The following USP32 variants were observed in gnomAD, a reference collection of about 807,000 sequenced individuals.
USP32 encodes the protein ubiquitin carboxyl-terminal hydrolase 32.
A neutral mutation model predicts 204.8 loss-of-function variants in USP32; 59 were observed. The observed-to-expected ratio is 0.29, with a 90% confidence interval of 0.23 to 0.36. The LOEUF is 0.36. Among genes scored for constraint, USP32 ranks in the 10% least tolerant of loss-of-function variants. The pLI, the probability that USP32 is intolerant of heterozygous loss-of-function variation, is 1.00. For missense variants in USP32, 1,160 were observed against 1,946.4 expected, an observed-to-expected ratio of 0.60 and a Z score of 7.60; for synonymous variants, 517 against 678.4, an observed-to-expected ratio of 0.76 and a Z score of 3.70.
intron 3 of USP32, among the ~76,000 whole-genome samples, chr17:60,296,883 C>A (rs1225369766): frequency 6.6e-6 from 1 of 152,044 alleles, no homozygotes; most frequent in East Asian, 1.9e-4. Flanking sequence ...GCCAAGGGGA[C>A]CCCAGAAAAT....
chr17:60,362,641 A>G (rs2089233062), intron 1 of USP32, among the ~76,000 whole-genome samples: 1 of 152,208 alleles, frequency 6.6e-6, no homozygotes, highest in African/African-American at 2.4e-5. Flanking sequence ...CGTTTCCATA[A>G]TATAACAAAA....
chr17:60,301,510 C>T (rs2087574301), intron 3 of USP32, 89 bp downstream of exon 3: 1 of 751,864 alleles, frequency 1.3e-6, no homozygotes. Flanking sequence ...GGGAAAATGT[C>T]AATTCAAATC....
chr17:60,222,548 GC>G lies in USP32; in HGVS notation c.1609del (p.Ala537LeufsTer4). 1.2e-6 allele frequency: 2 copies of G among 1,613,110 alleles called. No homozygotes were observed. Among genetic ancestry groups the G allele is most frequent in the Non-Finnish European group, 1.7e-6 (2 of 1,179,516 alleles). On this transcript the variant is annotated frameshift_variant and splice_region_variant, in exon 15 of 34. Transcript: ENST00000300896. LOFTEE classifies it high-confidence loss of function. ...TCCTCCTTCTAGTGTTAATGATGTA[GC>G]CTGAGAAAGAATAGAATGACAATGT... ...QPLVTQEPVK[A>X]TSLTLEGGRL...
Position 60,310,805 on chromosome 17 carries a change from G to A in USP32, c.187-9101C>T, listed in dbSNP as rs187826983. Among the ~76,000 whole-genome samples, 472 of 152,328 alleles carry A rather than the reference G, an allele frequency of 3.1e-3. 5 individuals carry two copies. Among genetic ancestry groups the A allele is most frequent in the Non-Finnish European group, 2.7e-3 (184 of 68,024 alleles). On this transcript the variant is annotated intron_variant, in intron 2 of 33. Coordinates refer to ENST00000300896, the MANE Select transcript of USP32 (RefSeq NM_032582.4). ...AATCCTAGCACTTTGGGAGGCCAAG[G>A]CAAGAGGATCACTTGAGCTCAAGAG...
intron 1 of USP32, among the ~76,000 whole-genome samples, chr17:60,356,611 A>G (rs2089084962): frequency 6.6e-6 from 1 of 152,266 alleles, no homozygotes; most frequent in South Asian, 2.1e-4. Context: ...TACACACTTT[A>G]TAAAATCAGA....
chr17:60,290,251 C>G (rs1301657841), intron 4 of USP32, among the ~76,000 whole-genome samples: 1 of 152,228 alleles, frequency 6.6e-6, no homozygotes, highest in African/African-American at 2.4e-5. Flanking sequence ...AACTTTCTCT[C>G]AGGACCATAT....
chr17:60,222,640 A>G, intron 14 of USP32, 91 bp from the exon 15 acceptor site: 10 of 1,184,428 alleles, frequency 8.4e-6, no homozygotes, highest in Non-Finnish European at 1.2e-5. Flanking sequence ...ACAAACTCAT[A>G]TATCACCACC....
At chr17:60,252,648 G>C (rs943705339) in intron 10 of USP32, among the ~76,000 whole-genome samples, 5 of 152,072 alleles carry the variant, frequency 3.3e-5, no homozygotes, top group African/African-American at 1.2e-4. Context: ...TCCAATGGAA[G>C]CTAACTTTCA....
chr17:60,254,973 C>T (rs557087834), intron 10 of USP32, among the ~76,000 whole-genome samples: 1 of 151,946 alleles, frequency 6.6e-6, no homozygotes, highest in East Asian at 1.9e-4. Flanking sequence ...AATCTACATC[C>T]CACTTTCCTA....
At chr17:60,413,135 T>C (rs189118647) in intron 1 of USP32, among the ~76,000 whole-genome samples, 1 of 152,240 alleles carries the variant, frequency 6.6e-6, no homozygotes, top group East Asian at 1.9e-4. Flanking sequence ...GTACAAAACA[T>C]TTTTGAAAAC....
intron 1 of USP32, among the ~76,000 whole-genome samples, chr17:60,399,295 G>A (rs1172154813): frequency 3.3e-5 from 5 of 152,126 alleles, no homozygotes; most frequent in Non-Finnish European, 5.9e-5. Context: ...TAGTACATCA[G>A]TTGTTCTACA....
At chr17:60,200,027 C>T (rs2084634201) in intron 26 of USP32, among the ~76,000 whole-genome samples, 1 of 151,942 alleles carries the variant, frequency 6.6e-6, no homozygotes, top group Non-Finnish European at 1.5e-5. Context: ...AACCCTGTCT[C>T]TACTAAAAAC....
intron 1 of USP32, among the ~76,000 whole-genome samples, chr17:60,399,959 A>C (rs2089924079): frequency 1.3e-5 from 2 of 152,072 alleles, no homozygotes; most frequent in Non-Finnish European, 2.9e-5. Context: ...GGAATGGAGA[A>C]GAGATCTGTC....
In USP32 at chr17:60,390,089, C is replaced by A. The variant is rs79800762; in HGVS notation, c.58+1793G>T. Reference sequence around the variant, plus strand: ...AAAGATTTTGCTATCTCTTCAAATACATGTGTTTTAAAATTCAACAGGCAG... The same window carrying A: ...AAAGATTTTGCTATCTCTTCAAATAAATGTGTTTTAAAATTCAACAGGCAG... On this transcript the variant is annotated intron_variant, in intron 1 of 33. Transcript: ENST00000300896. 1.1e-3 allele frequency among the ~76,000 whole-genome samples: 168 copies of A among 152,176 alleles called. 1 individual carries two copies. Among genetic ancestry groups the A allele is most frequent in the African/African-American group, 3.1e-3 (128 of 41,540 alleles).
chr17:60,363,579 A>G (rs951190219), intron 1 of USP32, among the ~76,000 whole-genome samples: 1 of 151,014 alleles, frequency 6.6e-6, no homozygotes, highest in Non-Finnish European at 1.5e-5. Flanking sequence ...ACAGTAGTGC[A>G]CTGTAGGCTT....
intron 1 of USP32, among the ~76,000 whole-genome samples, chr17:60,406,907 A>G (rs2089980253): frequency 6.6e-6 from 1 of 152,180 alleles, no homozygotes; most frequent in Non-Finnish European, 1.5e-5. Context: ...TCAGTGAAAC[A>G]GAGGACTTTT....
intron 2 of USP32, among the ~76,000 whole-genome samples, chr17:60,327,624 T>TG (rs1350770068): frequency 6.6e-6 from 1 of 152,128 alleles, no homozygotes; most frequent in Non-Finnish European, 1.5e-5. Context: ...TGCAAGGAGA[T>TG]GCGGCCAGGG....
chr17:60,197,995 A>C (rs1014265016), intron 27 of USP32, among the ~76,000 whole-genome samples: 8 of 152,222 alleles, frequency 5.3e-5, no homozygotes, highest in Non-Finnish European at 1.2e-4. Context: ...ACAGGATATT[A>C]CTTGAAGCAT....
chr17:60,251,796 T>C (rs1380650756), intron 11 of USP32, among the ~76,000 whole-genome samples: 2 of 152,094 alleles, frequency 1.3e-5, no homozygotes. Context: ...AATATGCTTA[T>C]ACTAAAAAAG....
Sources: allele counts gnomAD v4.1 joint callset (sites outside exome capture counted in the v4.1 genomes callset), GRCh38; gene constraint gnomAD v4.1.1; transcripts MANE v1.5; gene names NCBI Gene and HGNC (gene_info 2026-07-23, HGNC 2026-07-21).